PCDH7: variants seen among roughly 807,000 people sequenced by gnomAD.
PCDH7 encodes protocadherin 7.
Under a neutral mutation model 58.9 loss-of-function variants are expected in PCDH7, and 17 were observed. The ratio of observed to expected loss-of-function variants is 0.29; its 90% CI spans 0.20 to 0.43. The LOEUF is 0.43. Ranked by LOEUF, PCDH7 falls within the 20% of genes least tolerant of loss-of-function variation. The pLI is 1.00. For missense variants in PCDH7, 1,274 were observed against 1,441.0 expected, an observed-to-expected ratio of 0.88 and a Z score of 1.88; for synonymous variants, 664 against 616.4, an observed-to-expected ratio of 1.08 and a Z score of -1.14.
intron 3 of PCDH7, among the ~76,000 whole-genome samples, chr4:31,130,903 A>T (rs1340257499): frequency 6.6e-6 from 1 of 152,174 alleles, no homozygotes; most frequent in Non-Finnish European, 1.5e-5. Context: ...AGGTTAGTTT[A>T]TTAGCAACCA....
At chr4:30,994,927 T>C (rs541733522) in intron 3 of PCDH7, among the ~76,000 whole-genome samples, 5 of 152,284 alleles carry the variant, frequency 3.3e-5, no homozygotes, top group African/African-American at 9.6e-5. Context: ...CTAGTCAAAA[T>C]TGAGATGTGT....
intron 1 of PCDH7, among the ~76,000 whole-genome samples, chr4:30,900,001 C>T (rs1053123329): frequency 1.3e-5 from 2 of 152,128 alleles, no homozygotes; most frequent in African/African-American, 2.4e-5. Context: ...ACTTGGTGTG[C>T]ATCATGATCA....
chr4:30,744,259 C>T (rs1717477245), intron 1 of PCDH7, among the ~76,000 whole-genome samples: 1 of 152,106 alleles, frequency 6.6e-6, no homozygotes, highest in Non-Finnish European at 1.5e-5. Context: ...AAAGGACTAA[C>T]AGACTAACAA....
intron 1 of PCDH7, among the ~76,000 whole-genome samples, chr4:30,774,349 C>A (rs984047509): frequency 1.3e-5 from 2 of 152,058 alleles, no homozygotes; most frequent in Non-Finnish European, 2.9e-5. Flanking sequence ...AACTCTTAGG[C>A]CTAGCTTTTT....
At chr4:31,142,723 G>C (rs1357728505) in exon 4 of PCDH7, 1 of 1,367,672 alleles carries the variant, frequency 7.3e-7, no homozygotes, top group Non-Finnish European at 9.8e-7. Context: ...CATCCTATGA[G>C]ACCTTCAGTG....
intron 1 of PCDH7, among the ~76,000 whole-genome samples, chr4:30,757,846 A>G (rs954695565): frequency 7.2e-5 from 11 of 152,336 alleles, no homozygotes; most frequent in Middle Eastern, 3.4e-3. Context: ...AAAAGCTTGT[A>G]GAATGATTGG....
chr4:30,722,707 G>A lies in PCDH7; in HGVS notation c.1285G>A (p.Val429Met), dbSNP rs1277275580. Reference sequence around the variant, plus strand: ...TGGGCGCATCCCCCTCAAGGACGGGGTGGCCAACGTGGCCGAGGACGTTCT... The same window carrying A: ...TGGGCGCATCCCCCTCAAGGACGGGATGGCCAACGTGGCCGAGGACGTTCT... The change falls in exon 1 of 2, where the codon GTG becomes ATG. Residue 429 changes from valine to methionine, a missense_variant. Val to Met is a conservative substitution (Grantham distance 21). Coordinates refer to ENST00000361762, the Ensembl canonical transcript of PCDH7. This position sits in a 1 kb window ranked among gnomAD's most constrained non-coding sequence, Gnocchi z 7.6. 4 of 1,613,426 alleles carry A rather than the reference G, an allele frequency of 2.5e-6. No homozygotes were observed. The highest frequency in any genetic ancestry group is 2.2e-5 in the South Asian group (2 of 91,076).
intron 3 of PCDH7, among the ~76,000 whole-genome samples, chr4:31,056,586 G>T (rs1407469621): frequency 7.2e-6 from 1 of 138,820 alleles, no homozygotes. Flanking sequence ...GGAAGGGAAG[G>T]GAGGAAGGAA....
chr4:31,011,198 A>T (rs1268941679), intron 3 of PCDH7, among the ~76,000 whole-genome samples: 1 of 152,068 alleles, frequency 6.6e-6, no homozygotes, highest in Non-Finnish European at 1.5e-5. Context: ...GAATATATAG[A>T]TAGATCATTC....
At chr4:30,818,583 A>G (rs1199367469) in intron 1 of PCDH7, among the ~76,000 whole-genome samples, 1 of 152,184 alleles carries the variant, frequency 6.6e-6, no homozygotes, top group Admixed American at 6.5e-5. Flanking sequence ...ATGTAACCAT[A>G]CAAACATAGT....
chr4:31,002,190 T>C (rs1158785657), intron 3 of PCDH7, among the ~76,000 whole-genome samples: 2 of 152,222 alleles, frequency 1.3e-5, no homozygotes, highest in Non-Finnish European at 2.9e-5. Context: ...GCCAAAAATG[T>C]CGAGTGATCC....
chr4:31,056,652 G>C (rs1412664670), intron 3 of PCDH7, among the ~76,000 whole-genome samples: 4 of 147,282 alleles, frequency 2.7e-5, no homozygotes, highest in African/African-American at 5.0e-5. Flanking sequence ...GAGAGAGAAA[G>C]AGAGAGAGGA....
intron 3 of PCDH7, among the ~76,000 whole-genome samples, chr4:31,077,198 G>C (rs1759071564): frequency 6.6e-6 from 1 of 151,984 alleles, no homozygotes; most frequent in Non-Finnish European, 1.5e-5. Flanking sequence ...ATCACCTGAG[G>C]TCAGGAGTTT....
chr4:30,783,956 G>A (rs904247274), intron 1 of PCDH7, among the ~76,000 whole-genome samples: 5 of 152,126 alleles, frequency 3.3e-5, no homozygotes, highest in African/African-American at 1.2e-4. Flanking sequence ...GTGTGTGTGT[G>A]TGTATGTGTG....
chr4:30,807,783 G>A (rs567906825), intron 1 of PCDH7, among the ~76,000 whole-genome samples: 1 of 151,892 alleles, frequency 6.6e-6, no homozygotes, highest in Admixed American at 6.6e-5. Context: ...TGGTGATATA[G>A]GCACACTTTC....
At position 30,723,645 on chromosome 4, in the gene PCDH7, A is replaced by C; in HGVS notation, c.2223A>C (p.Thr741=). ...TGGATGAAAATGACAATGCTCCCACAGTTACCCTTCCCAAAAACATTTCCT... is the reference window on the plus strand; with the variant it reads ...TGGATGAAAATGACAATGCTCCCACCGTTACCCTTCCCAAAAACATTTCCT... Residue 741 remains threonine (T), a synonymous_variant, in exon 1 of 2, where the codon ACA becomes ACC. Coordinates refer to ENST00000361762, the Ensembl canonical transcript of PCDH7. The surrounding 1 kb of genome is among the most constrained non-coding windows in gnomAD (Gnocchi z 4.6). 6.2e-7 allele frequency: 1 copy of C among 1,614,208 alleles called. No individual in the cohort carries two copies. Among genetic ancestry groups the C allele is most frequent in the Non-Finnish European group, 8.5e-7 (1 of 1,180,036 alleles).
Position 30,721,897 on chromosome 4 carries a change from G to T in PCDH7, c.475G>T (p.Gly159Cys). The T allele has an allele frequency of 6.3e-7, 1 of 1,589,780 alleles. No homozygotes were observed. Among genetic ancestry groups the T allele is most frequent in the Non-Finnish European group, 8.5e-7 (1 of 1,169,814 alleles). Reference sequence around the variant, plus strand: ...CACGGTGGAGGAGAATCGGCCGGTGGGCACACTTTACCTGCTGCCCACAGC... The same window carrying T: ...CACGGTGGAGGAGAATCGGCCGGTGTGCACACTTTACCTGCTGCCCACAGC... Residue 159 changes from glycine to cysteine, a missense_variant, in exon 1 of 2, where the codon GGC becomes TGC. Physicochemically the swap from Gly to Cys is radical, Grantham distance 159. Coordinates refer to ENST00000361762, the Ensembl canonical transcript of PCDH7. This position sits in a 1 kb window ranked among gnomAD's most constrained non-coding sequence, Gnocchi z 6.7.
chr4:31,076,532 T>G (rs1446534465), intron 3 of PCDH7, among the ~76,000 whole-genome samples: 2 of 152,334 alleles, frequency 1.3e-5, no homozygotes, highest in Admixed American at 6.5e-5. Flanking sequence ...CTTTCTCATC[T>G]AATTTGGTGT....
At chr4:30,758,485 G>A (rs1009851453) in intron 1 of PCDH7, among the ~76,000 whole-genome samples, 5 of 152,160 alleles carry the variant, frequency 3.3e-5, no homozygotes, top group South Asian at 2.1e-4. Context: ...GTTACTGCCC[G>A]TAAGTTTGTA....
Sources: allele counts gnomAD v4.1 joint callset (sites outside exome capture counted in the v4.1 genomes callset), GRCh38; gene constraint gnomAD v4.1.1; non-coding constraint Gnocchi (gnomAD v3.1); transcripts MANE v1.5; gene names NCBI Gene and HGNC (gene_info 2026-07-23, HGNC 2026-07-21).